DHRSX: variants seen among roughly 807,000 people sequenced by gnomAD.
DHRSX encodes the protein polyprenol dehydrogenase.
Under a neutral mutation model 34.0 loss-of-function variants are expected in DHRSX, and 31 were observed. That is an observed-to-expected ratio of 0.91 (90% CI 0.69 to 1.23). The LOEUF is 1.23. Among genes scored for constraint, DHRSX ranks in the 50% most tolerant of loss-of-function variants. The pLI, the probability that DHRSX is intolerant of heterozygous loss-of-function variation, is 0.00. For synonymous variants in DHRSX, 201 were observed against 183.8 expected (o/e 1.09, Z -0.76); for missense variants, 414 against 428.1 (o/e 0.97, Z 0.29).
intron 3 of DHRSX, among the ~76,000 whole-genome samples, chrX:2,340,709 T>C (rs760734883): frequency 1.3e-5 from 2 of 152,256 alleles, no homozygotes; most frequent in African/African-American, 2.4e-5. Context: ...TTTGGACTTT[T>C]GTCATTCAAG....
chrX:2,249,513 CTTT>C (rs753035485), intron 5 of DHRSX, among the ~76,000 whole-genome samples: 43 of 70,160 alleles, frequency 6.1e-4, no homozygotes, highest in African/African-American at 1.8e-3. Context: ...CTTTTTGTGC[CTTT>C]TTTTTTTTTT....
At position 2,304,312 on chromosome X, in the gene DHRSX, AATGGATGG is replaced by A. The variant is rs766851673; in HGVS notation, c.287-12717_287-12710del. ...GGGTGGGTGGATGGATGGATGGATG[AATGGATGG>A]ATGGATGGATGGATGAACTGATGGA... On this transcript the variant is annotated intron_variant, in intron 3 of 6. Transcript: ENST00000334651. Among the ~76,000 whole-genome samples the A allele has an allele frequency of 3.0e-4, 29 of 97,290 alleles. No homozygotes were observed. In the East Asian group the frequency reaches 6.9e-3, roughly 23 times the overall value. 63.8% of individuals were successfully genotyped at this position (97,290 alleles called of 152,430 possible).
chrX:2,396,481 C>A (rs2012895), intron 3 of DHRSX, among the ~76,000 whole-genome samples: 108,396 of 149,456 alleles, frequency 0.73, 39,588 homozygotes, highest in Admixed American at 0.76. Context: ...GGGTTCAAGC[C>A]ATTCTCCAGC....
intron 3 of DHRSX, among the ~76,000 whole-genome samples, chrX:2,295,585 A>G (rs189742952): frequency 6.2e-4 from 95 of 152,312 alleles, no homozygotes; most frequent in African/African-American, 2.2e-3. Flanking sequence ...ATACCAAAAA[A>G]ACAAGAAGAA....
intron 3 of DHRSX, among the ~76,000 whole-genome samples, chrX:2,315,862 A>AT (rs1431509656): frequency 1.3e-5 from 2 of 151,946 alleles, no homozygotes; most frequent in African/African-American, 4.8e-5. Context: ...ATTGAGTCAC[A>AT]TTTTCTCTCT....
At chrX:2,345,163 G>A (rs963810307) in intron 3 of DHRSX, among the ~76,000 whole-genome samples, 20 of 151,742 alleles carry the variant, frequency 1.3e-4, no homozygotes, top group African/African-American at 4.8e-4. Flanking sequence ...CTCTTGTTCT[G>A]AGGCACCCTT....
intron 3 of DHRSX, among the ~76,000 whole-genome samples, chrX:2,294,894 G>T (rs2041914357): frequency 6.6e-6 from 1 of 152,080 alleles, no homozygotes; most frequent in Non-Finnish European, 1.5e-5. Context: ...GTGTGTGTTA[G>T]TTTCATATTC....
chrX:2,439,927 G>T (rs1296915164), intron 1 of DHRSX, among the ~76,000 whole-genome samples: 1 of 152,114 alleles, frequency 6.6e-6, no homozygotes, highest in Non-Finnish European at 1.5e-5. Flanking sequence ...CTGGGGACCG[G>T]TACTGGATGC....
At chrX:2,447,947 T>C (rs1260062449) in intron 1 of DHRSX, among the ~76,000 whole-genome samples, 1 of 150,324 alleles carries the variant, frequency 6.7e-6, no homozygotes, top group Non-Finnish European at 1.5e-5. Flanking sequence ...GGAATCACAA[T>C]GCTATGGAAG....
At chrX:2,295,428 G>GC (rs1209900309) in intron 3 of DHRSX, among the ~76,000 whole-genome samples, 1 of 152,142 alleles carries the variant, frequency 6.6e-6, no homozygotes, top group Non-Finnish European at 1.5e-5. Flanking sequence ...CTTGCTGGGG[G>GC]GTGGAGGGTT....
chrX:2,303,829 G>GTGGATGGA (rs1410450706), intron 3 of DHRSX, among the ~76,000 whole-genome samples: 2 of 68,832 alleles, frequency 2.9e-5, no homozygotes, highest in South Asian at 5.4e-4. Flanking sequence ...GGATGGGTGG[G>GTGGATGGA]TGGATGGATG....
chrX:2,342,155 C>G (rs1335635044), intron 3 of DHRSX, among the ~76,000 whole-genome samples: 1 of 152,132 alleles, frequency 6.6e-6, no homozygotes, highest in African/African-American at 2.4e-5. Context: ...AGAGCTTCCT[C>G]TAGTCCTTGT....
At chrX:2,378,883 G>T (rs972725471) in intron 3 of DHRSX, among the ~76,000 whole-genome samples, 10 of 152,058 alleles carry the variant, frequency 6.6e-5, no homozygotes, top group African/African-American at 2.2e-4. Context: ...TGATGGTCAG[G>T]CTGGTCACGA....
At chrX:2,396,032 G>T (rs2043405230) in intron 3 of DHRSX, among the ~76,000 whole-genome samples, 1 of 152,042 alleles carries the variant, frequency 6.6e-6, no homozygotes, top group Non-Finnish European at 1.5e-5. Context: ...CCCTCCGGGG[G>T]CTCTCAGGAA....
At chrX:2,484,365 T>G (rs1436483989) in intron 1 of DHRSX, among the ~76,000 whole-genome samples, 1 of 152,074 alleles carries the variant, frequency 6.6e-6, no homozygotes, top group East Asian at 1.9e-4. Context: ...CTCTGACCCC[T>G]TAAAGTTGAC....
rs185018162 is a variant in DHRSX at position 2,347,432 on chromosome X, G to A, written c.287-55829C>T. On this transcript the variant is annotated intron_variant, in intron 3 of 6. Coordinates refer to ENST00000334651, the MANE Select transcript of DHRSX (RefSeq NM_145177.3). Reference sequence around the variant, plus strand: ...TTTGGGGCCGGGCGCGGTGGCTCACGCCTGTAATCCCAGCACTTTGGGAGG... The same window carrying A: ...TTTGGGGCCGGGCGCGGTGGCTCACACCTGTAATCCCAGCACTTTGGGAGG... Among the ~76,000 whole-genome samples, 411 of 152,330 alleles carry A rather than the reference G, an allele frequency of 2.7e-3. 6 individuals carry two copies. The highest frequency in any genetic ancestry group is 9.3e-3 in the African/African-American group (385 of 41,574).
intron 6 of DHRSX, among the ~76,000 whole-genome samples, chrX:2,229,630 G>A (rs2015819318): frequency 6.6e-6 from 1 of 152,068 alleles, no homozygotes; most frequent in Non-Finnish European, 1.5e-5. Context: ...GTGGGTAGAT[G>A]TGTATTGTAT....
chrX:2,406,467 GT>G (rs2043557133), intron 3 of DHRSX, among the ~76,000 whole-genome samples: 3 of 149,790 alleles, frequency 2.0e-5, no homozygotes, highest in African/African-American at 7.4e-5. Flanking sequence ...TTGAGACAGA[GT>G]CTTGCTCTGT....
chrX:2,244,840 T>G (rs903505679), intron 5 of DHRSX, among the ~76,000 whole-genome samples: 13 of 152,128 alleles, frequency 8.5e-5, no homozygotes, highest in African/African-American at 3.1e-4. Flanking sequence ...GCCTCCCAAG[T>G]AGCTGGGACT....
Sources: allele counts gnomAD v4.1 joint callset (sites outside exome capture counted in the v4.1 genomes callset), GRCh38; gene constraint gnomAD v4.1.1; transcripts MANE v1.5; gene names NCBI Gene and HGNC (gene_info 2026-07-23, HGNC 2026-07-21).